Variants in PCDHGB7 observed in about 807,000 individuals in gnomAD.
PCDHGB7 encodes protocadherin gamma subfamily B, 7.
A neutral mutation model predicts 61.4 loss-of-function variants in PCDHGB7; 37 were observed. The ratio of observed to expected loss-of-function variants is 0.60; its 90% confidence interval spans 0.46 to 0.79. PCDHGB7 has a LOEUF of 0.79. Ranked by LOEUF, PCDHGB7 falls within the 30% of genes least tolerant of loss-of-function variation. PCDHGB7 has a pLI of 0.00. For synonymous variants in PCDHGB7, 464 were observed against 503.5 expected (o/e 0.92, Z 1.05); for missense variants, 1,166 against 1,202.5 (o/e 0.97, Z 0.45).
Position 141,421,478 on chromosome 5 carries a change from G to A in PCDHGB7, c.2415+1204G>A, listed in dbSNP as rs763769838. The A allele has an allele frequency of 2.5e-6, 4 of 1,614,012 alleles. No individual in the cohort carries two copies. In the African/African-American group the frequency reaches 4.0e-5, roughly 16 times the overall value. On this transcript the variant is annotated intron_variant, in intron 1 of 3. Coordinates refer to ENST00000398594, the MANE Select transcript of PCDHGB7 (RefSeq NM_018927.4). ...TTCGCTGTGAATCCGCGAAGCGGCA[G>A]CTTGATCACGGCAGGCAGGATAGAC... is the stretch of plus-strand genomic sequence containing the variant.
chr5:141,454,546 A>G (rs1342532359), intron 1 of PCDHGB7, among the ~76,000 whole-genome samples: 1 of 152,098 alleles, frequency 6.6e-6, no homozygotes, highest in African/African-American at 2.4e-5. Flanking sequence ...AGCTGAGATT[A>G]CAGGCATGTG....
intron 1 of PCDHGB7, chr5:141,421,377 C>T (rs1168242339): frequency 1.9e-6 from 3 of 1,613,924 alleles, no homozygotes; most frequent in South Asian, 1.1e-5. Context: ...GCAATATCTC[C>T]AAGGACCTGG....
In PCDHGB7 at chr5:141,512,133, G is replaced by A. The variant is rs1394116556; in HGVS notation, c.*960G>A. ...CCACTACATAATAGGGCTCAGCCCA[G>A]GCAGCCAGCTTTGGGCTGAGCTAAC... On this transcript the variant is annotated 3_prime_UTR_variant, in exon 4 of 4. Coordinates refer to ENST00000398594, the MANE Select transcript of PCDHGB7 (RefSeq NM_018927.4). 3 of 152,708 alleles carry A rather than the reference G, an allele frequency of 2.0e-5. No homozygotes were observed. Among genetic ancestry groups the A allele is most frequent in the Non-Finnish European group, 2.9e-5 (2 of 68,102 alleles). 9.5% of individuals were successfully genotyped at this position (152,708 alleles called of 1,614,324 possible).
chr5:141,418,303 G>T lies in PCDHGB7; in HGVS notation c.444G>T (p.Leu148=). The T allele has an allele frequency of 6.2e-7, 1 of 1,614,032 alleles. No homozygotes were observed. Among genetic ancestry groups the T allele is most frequent in the Middle Eastern group, 1.6e-4 (1 of 6,062 alleles). ...INLEISESVS[L]GMGTILESAE... ...TAGAAATCAGTGAATCCGTCAGCCT[G>T]GGGATGGGAACAATTCTTGAGTCTG... Residue 148 remains leucine (L), a synonymous_variant, in exon 1 of 4, where the codon CTG becomes CTT. Coordinates refer to ENST00000398594, the MANE Select transcript of PCDHGB7 (RefSeq NM_018927.4).
Position 141,493,957 on chromosome 5 carries a change from G to A in PCDHGB7, c.2416-850G>A, listed in dbSNP as rs1360777586. 6.6e-6 allele frequency among the ~76,000 whole-genome samples: 1 copy of A among 152,228 alleles called. No individual in the cohort carries two copies. The highest frequency in any genetic ancestry group is 2.4e-5 in the African/African-American group (1 of 41,458). On this transcript the variant is annotated intron_variant, in intron 1 of 3. Coordinates refer to ENST00000398594, the MANE Select transcript of PCDHGB7 (RefSeq NM_018927.4). This position sits in a 1 kb window ranked among gnomAD's most constrained non-coding sequence, Gnocchi z 4.3. ...AGACCAGAAGGGACTCAGGAATGAA[G>A]TGGCTGGCCAGAGCCCCACACCTTC... is the stretch of plus-strand genomic sequence containing the variant.
chr5:141,463,886 C>T (rs1327677210), intron 1 of PCDHGB7, among the ~76,000 whole-genome samples: 3 of 152,118 alleles, frequency 2.0e-5, no homozygotes, highest in African/African-American at 4.8e-5. Flanking sequence ...AAAGTTTTCA[C>T]CTTGCTTTTT....
intron 1 of PCDHGB7, among the ~76,000 whole-genome samples, chr5:141,445,924 A>G (rs1451439271): frequency 6.6e-6 from 1 of 152,184 alleles, no homozygotes; most frequent in Non-Finnish European, 1.5e-5. Flanking sequence ...GTGACAAGAT[A>G]TTTGAATTAT....
At chr5:141,497,142 C>T (rs1316569011) in intron 2 of PCDHGB7, among the ~76,000 whole-genome samples, 2 of 149,678 alleles carry the variant, frequency 1.3e-5, no homozygotes, top group South Asian at 2.1e-4. Context: ...GCTGAGATCA[C>T]GAAAAAAAAA....
Position 141,419,151 on chromosome 5 carries a change from C to G in PCDHGB7, c.1292C>G (p.Pro431Arg). The change falls in exon 1 of 4, where the codon CCG becomes CGG. Residue 431 changes from proline to arginine, a missense_variant. Coordinates refer to ENST00000398594, the MANE Select transcript of PCDHGB7 (RefSeq NM_018927.4). ...GCAGCCACAGACAGGGGCAAGCCTCCGTTATCCTCCAGCAAAACCATAACC... is the reference window on the plus strand; with the variant it reads ...GCAGCCACAGACAGGGGCAAGCCTCGGTTATCCTCCAGCAAAACCATAACC... ...TIAATDRGKP[P>R]LSSSKTITLH... 1.9e-6 allele frequency: 3 copies of G among 1,613,918 alleles called. No individual in the cohort carries two copies. Among genetic ancestry groups the G allele is most frequent in the Non-Finnish European group, 1.7e-6 (2 of 1,179,870 alleles).
Position 141,427,474 on chromosome 5 carries a change from A to T in PCDHGB7, c.2415+7200A>T, listed in dbSNP as rs373512099. On this transcript the variant is annotated intron_variant, in intron 1 of 3. Transcript: ENST00000398594. The stretch of plus-strand genomic sequence containing the variant: ...CCTTTTAGAATCGAATCTTCCGCCA[A>T]TAATGACTATAAGCTTGTAACAGAT... 10 of 520,294 alleles carry T rather than the reference A, an allele frequency of 1.9e-5. No individual in the cohort carries two copies. In the East Asian group the frequency reaches 2.1e-4, roughly 11 times the overall value. The allele number at this position is 520,294 out of a possible 1,614,324, so 32.2% of individuals were successfully genotyped here. A position where few individuals can be genotyped will look rare whatever the true frequency, so the allele number is the denominator to read the frequency against.
In PCDHGB7 at chr5:141,423,840, A is replaced by G. The variant is rs189449471; in HGVS notation, c.2415+3566A>G. ...CTTTGCCTTTCATGAGATTACGATA[A>G]TCTTTCAGAACGTTTTTGTGAAAGT... On this transcript the variant is annotated intron_variant, in intron 1 of 3. Coordinates refer to ENST00000398594, the MANE Select transcript of PCDHGB7 (RefSeq NM_018927.4). 1,637 of 1,279,840 alleles carry G rather than the reference A, an allele frequency of 1.3e-3. 3 individuals carry two copies. The highest frequency in any genetic ancestry group is 1.5e-3 in the Non-Finnish European group (1,519 of 1,009,392). 79.3% of individuals were successfully genotyped at this position (1,279,840 alleles called of 1,614,324 possible).
chr5:141,477,519 A>C lies in PCDHGB7; in HGVS notation c.2416-17288A>C, dbSNP rs1255751458. 1 of 1,614,174 alleles carries C rather than the reference A, an allele frequency of 6.2e-7. No individual in the cohort carries two copies. The highest frequency in any genetic ancestry group is 2.2e-5 in the East Asian group (1 of 44,882). Reference sequence around the variant, plus strand: ...TCTTCCTACGACGTTTACATTGAAGAAAACAACCTCCCCGGGGCTCCAATA... The same window carrying C: ...TCTTCCTACGACGTTTACATTGAAGCAAACAACCTCCCCGGGGCTCCAATA... On this transcript the variant is annotated intron_variant, in intron 1 of 3. Transcript: ENST00000398594. The surrounding 1 kb of genome is among the most constrained non-coding windows in gnomAD (Gnocchi z 4.9).
At chr5:141,478,574 C>T (rs2099465133) in intron 1 of PCDHGB7, 1 of 1,586,288 alleles carries the variant, frequency 6.3e-7, no homozygotes, top group Non-Finnish European at 8.6e-7. Flanking sequence ...ATGCTTGACC[C>T]TGTTAGTGCT....
At position 141,431,418 on chromosome 5, in the gene PCDHGB7, C is replaced by G. The variant is rs571505529; in HGVS notation, c.2415+11144C>G. On this transcript the variant is annotated intron_variant, in intron 1 of 3. Transcript: ENST00000398594. The surrounding 1 kb of genome is among the most constrained non-coding windows in gnomAD (Gnocchi z 4.8). ...CTTACGGCCTCCGACGGGGGCGACC[C>G]GGTGCGCACAGGCACCGCGCGCATC... is the stretch of plus-strand genomic sequence containing the variant. 6.8e-6 allele frequency: 11 copies of G among 1,613,588 alleles called. No homozygotes were observed. In the South Asian group the frequency reaches 1.1e-4, roughly 16 times the overall value.
intron 1 of PCDHGB7, among the ~76,000 whole-genome samples, chr5:141,442,784 A>C (rs1267270442): frequency 2.0e-5 from 3 of 152,212 alleles, no homozygotes; most frequent in Non-Finnish European, 4.4e-5. Flanking sequence ...ATTATATTTT[A>C]TAATTTTACT....
chr5:141,450,829 A>ATTT (rs373424450), intron 1 of PCDHGB7, among the ~76,000 whole-genome samples: 12,063 of 134,876 alleles, frequency 0.089, 619 homozygotes, highest in African/African-American at 0.14. Flanking sequence ...TATTATTATT[A>ATTT]TTTTTTTTTT....
chr5:141,490,488 C>A lies in PCDHGB7; in HGVS notation c.2416-4319C>A, dbSNP rs142637733. 6.2e-7 allele frequency: 1 copy of A among 1,614,018 alleles called. No homozygotes were observed. Among genetic ancestry groups the A allele is most frequent in the African/African-American group, 1.3e-5 (1 of 74,904 alleles). ...CCAGCCAGCCTTTGGACCGGGAGGC[C>A]ACATCCCACTATATCATCGAGCTGC... On this transcript the variant is annotated intron_variant, in intron 1 of 3. Coordinates refer to ENST00000398594, the MANE Select transcript of PCDHGB7 (RefSeq NM_018927.4). The surrounding 1 kb of genome is among the most constrained non-coding windows in gnomAD (Gnocchi z 5.4).
intron 1 of PCDHGB7, among the ~76,000 whole-genome samples, chr5:141,436,557 A>G (rs1224841336): frequency 6.6e-6 from 1 of 152,218 alleles, no homozygotes; most frequent in Non-Finnish European, 1.5e-5. Flanking sequence ...GAGCTTCAGC[A>G]AAGTAGGAAT....
rs775335307 is a variant in PCDHGB7, at chr5:141,420,259, G to A, written c.2400G>A (p.Lys800=). 5.1e-6 allele frequency: 8 copies of A among 1,564,678 alleles called. No homozygotes were observed. Among genetic ancestry groups the A allele is most frequent in the Non-Finnish European group, 6.9e-6 (8 of 1,152,832 alleles). Residue 800 remains lysine, a synonymous_variant, in exon 1 of 4, where the codon AAG becomes AAA. Coordinates refer to ENST00000398594, the MANE Select transcript of PCDHGB7 (RefSeq NM_018927.4). ...SILTPSVEAD[K]KILKQQAPPN... ...TAACTCCCAGCGTTGAAGCAGATAAGAAGATTCTTAAACAGGTAAGTATTT... is the reference window on the plus strand; with the variant it reads ...TAACTCCCAGCGTTGAAGCAGATAAAAAGATTCTTAAACAGGTAAGTATTT...
Sources: gnomAD v4.1 joint callset for allele counts (sites outside exome capture counted in the v4.1 genomes callset) on GRCh38, gnomAD v4.1.1 for gene constraint, Gnocchi (gnomAD v3.1) non-coding constraint, MANE v1.5 for transcripts, NCBI Gene and HGNC (gene_info 2026-07-23, HGNC 2026-07-21) for gene names.